SORCS3: variants seen among roughly 807,000 people sequenced by gnomAD.
SORCS3 encodes the protein VPS10 domain-containing receptor SorCS3.
A neutral mutation model predicts 146.3 loss-of-function variants in SORCS3; 57 were observed. The observed-to-expected ratio is 0.39, with a 90% CI of 0.31 to 0.49. SORCS3 has a LOEUF of 0.49. SORCS3 is among the 20% of genes least tolerant of loss of function. The pLI, the probability that SORCS3 is intolerant of heterozygous loss-of-function variation, is 0.92. For missense variants in SORCS3, 1,341 were observed against 1,575.5 expected (o/e 0.85, Z 2.52); for synonymous variants, 653 against 618.5 (o/e 1.06, Z -0.83).
chr10:104,871,589 G>A (rs1370630162), intron 2 of SORCS3, among the ~76,000 whole-genome samples: 1 of 152,186 alleles, frequency 6.6e-6, no homozygotes, highest in Non-Finnish European at 1.5e-5. Flanking sequence ...GTCTACAACA[G>A]ACATTTTTTC....
At chr10:104,964,662 C>A (rs1300590902) in intron 3 of SORCS3, among the ~76,000 whole-genome samples, 1 of 152,046 alleles carries the variant, frequency 6.6e-6, no homozygotes, top group Non-Finnish European at 1.5e-5. Flanking sequence ...TAGCCTGTTA[C>A]TTTATCTCTA....
At chr10:105,078,891 T>C (rs2055605907) in intron 5 of SORCS3, among the ~76,000 whole-genome samples, 1 of 152,158 alleles carries the variant, frequency 6.6e-6, no homozygotes. Context: ...GGCTCTGGAA[T>C]TTATGCTCTG....
chr10:104,808,329 C>A (rs758124230), intron 1 of SORCS3, among the ~76,000 whole-genome samples: 9 of 152,078 alleles, frequency 5.9e-5, no homozygotes, highest in Non-Finnish European at 1.0e-4. Flanking sequence ...AGGGCTTTTG[C>A]TTCAAATAGT....
At chr10:105,070,433 G>A (rs767047753) in intron 5 of SORCS3, among the ~76,000 whole-genome samples, 1 of 152,154 alleles carries the variant, frequency 6.6e-6, no homozygotes, top group African/African-American at 2.4e-5. Context: ...TCACCACCAG[G>A]GAGGTTTCTG....
intron 1 of SORCS3, among the ~76,000 whole-genome samples, chr10:104,797,139 G>T (rs1160104716): frequency 6.6e-6 from 1 of 152,194 alleles, no homozygotes; most frequent in Non-Finnish European, 1.5e-5. Flanking sequence ...TTCCTTGAAA[G>T]ATGACATTTC....
At chr10:104,810,521 T>C (rs2017728705) in intron 1 of SORCS3, among the ~76,000 whole-genome samples, 1 of 152,228 alleles carries the variant, frequency 6.6e-6, no homozygotes, top group Admixed American at 6.5e-5. Context: ...TCATATTAAG[T>C]AGTACAGTTT....
intron 3 of SORCS3, among the ~76,000 whole-genome samples, chr10:104,929,001 T>C (rs2133609368): frequency 6.6e-6 from 1 of 152,292 alleles, no homozygotes. Flanking sequence ...ATTATCTCCT[T>C]GGCAGGGCAG....
intron 4 of SORCS3, among the ~76,000 whole-genome samples, chr10:105,028,997 A>G (rs1370282632): frequency 6.6e-6 from 1 of 152,162 alleles, no homozygotes; most frequent in Non-Finnish European, 1.5e-5. Context: ...GCTCAACTCT[A>G]ATGAAAGTGT....
intron 2 of SORCS3, among the ~76,000 whole-genome samples, chr10:104,857,612 T>C (rs2018348726): frequency 6.6e-6 from 1 of 152,186 alleles, no homozygotes; most frequent in Non-Finnish European, 1.5e-5. Context: ...AGAGCTTCCT[T>C]GTTTGAAGGG....
At chr10:105,003,196 A>G (rs1340861127) in intron 4 of SORCS3, among the ~76,000 whole-genome samples, 1 of 152,204 alleles carries the variant, frequency 6.6e-6, no homozygotes, top group African/African-American at 2.4e-5. Context: ...TCTGCCTGGC[A>G]TGGAGTGAAA....
chr10:105,082,982 CCTCCCAAAGTG>C (rs1190836315), intron 5 of SORCS3, among the ~76,000 whole-genome samples: 3 of 152,086 alleles, frequency 2.0e-5, no homozygotes, highest in Non-Finnish European at 2.9e-5. Flanking sequence ...CCCGCCTTGG[CCTCCCAAAGTG>C]CTCCCAAAGT....
chr10:104,918,235 A>G (rs1379482137), intron 3 of SORCS3, among the ~76,000 whole-genome samples: 1 of 152,170 alleles, frequency 6.6e-6, no homozygotes, highest in East Asian at 1.9e-4. Context: ...GATCCCACTC[A>G]TGAACCCAAG....
intron 2 of SORCS3, among the ~76,000 whole-genome samples, chr10:104,880,062 A>G (rs2018616245): frequency 6.6e-6 from 1 of 152,128 alleles, no homozygotes; most frequent in Non-Finnish European, 1.5e-5. Flanking sequence ...TTTCATTTAT[A>G]TTTTAAATAA....
intron 4 of SORCS3, among the ~76,000 whole-genome samples, chr10:105,011,574 C>G (rs1333353559): frequency 6.6e-6 from 1 of 152,032 alleles, no homozygotes; most frequent in Admixed American, 6.5e-5. Flanking sequence ...TTGCGTGGCT[C>G]CTATTGCTGA....
At chr10:105,015,223 C>T (rs2055158075) in intron 4 of SORCS3, among the ~76,000 whole-genome samples, 1 of 152,130 alleles carries the variant, frequency 6.6e-6, no homozygotes, top group Non-Finnish European at 1.5e-5. Context: ...GCTGGCAGTA[C>T]ATTTGAAGCC....
At chr10:105,202,147 C>T (rs1237878948) in intron 16 of SORCS3, among the ~76,000 whole-genome samples, 4 of 152,188 alleles carry the variant, frequency 2.6e-5, no homozygotes, top group Non-Finnish European at 4.4e-5. Context: ...ATTCTCCTCA[C>T]AGCAACCGAG....
rs563257618 is a variant in SORCS3 at position 105,066,923 on chromosome 10, C to T, written c.1029-22852C>T. 2.7e-3 allele frequency among the ~76,000 whole-genome samples: 409 copies of T among 152,166 alleles called. 3 individuals are homozygous for T. Among genetic ancestry groups the T allele is most frequent in the African/African-American group, 9.2e-3 (382 of 41,502 alleles). On this transcript the variant is annotated intron_variant, in intron 5 of 26. Coordinates refer to ENST00000369701, the MANE Select transcript of SORCS3 (RefSeq NM_014978.3). Reference sequence around the variant, plus strand: ...CAGCTTTCCTTTGCCCCTGAACTGCCCTCCAGAGTTCTTGCTCTTTCCCCC... The same window carrying T: ...CAGCTTTCCTTTGCCCCTGAACTGCTCTCCAGAGTTCTTGCTCTTTCCCCC...
intron 22 of SORCS3, among the ~76,000 whole-genome samples, chr10:105,248,151 G>A (rs1299083398): frequency 6.6e-6 from 1 of 152,194 alleles, no homozygotes; most frequent in Non-Finnish European, 1.5e-5. Context: ...TTTTCTCAGA[G>A]GTAGGCACTA....
chr10:105,092,608 A>AACACACACAC (rs61665816), intron 6 of SORCS3, among the ~76,000 whole-genome samples: 2,579 of 147,346 alleles, frequency 0.018, 33 homozygotes, highest in African/African-American at 0.032. Flanking sequence ...TGCATTCACA[A>AACACACACAC]ACACACACAC....
Sources: allele counts gnomAD v4.1 joint callset (sites outside exome capture counted in the v4.1 genomes callset), GRCh38; gene constraint gnomAD v4.1.1; transcripts MANE v1.5; gene names NCBI Gene and HGNC (gene_info 2026-07-23, HGNC 2026-07-21).